The following TTC3 variants were observed in gnomAD, a reference collection of about 807,000 sequenced individuals.
The protein encoded by TTC3 is tetratricopeptide repeat domain 3.
Under a neutral mutation model 249.6 loss-of-function variants are expected in TTC3, and 180 were observed. That is an observed-to-expected ratio of 0.72 (90% CI 0.64 to 0.82). The LOEUF is 0.82. TTC3 is among the 40% of genes least tolerant of loss of function. TTC3 has a pLI of 0.00. For synonymous variants in TTC3, 717 were observed against 805.0 expected (o/e 0.89, Z 1.85); for missense variants, 2,061 against 2,398.4 (o/e 0.86, Z 2.94).
Position 37,128,896 on chromosome 21 carries a change from T to G in TTC3, c.1298-107T>G, listed in dbSNP as rs73201958. 1.3e-3 allele frequency: 1,063 copies of G among 793,708 alleles called. 8 individuals carry two copies. The highest frequency in any genetic ancestry group is 0.013 in the African/African-American group (734 of 54,926). The allele number at this position is 793,708 out of a possible 1,614,324, so 49.2% of individuals were successfully genotyped here. A position where few individuals can be genotyped will look rare whatever the true frequency, so the allele number is the denominator to read the frequency against. On this transcript the variant is annotated intron_variant, in intron 15 of 45. Transcript: ENST00000355666. ...TGTAGTTACACCCACGTACCACATT[T>G]CTGCTTCTGTTTTCTTACTCCAATT...
At chr21:37,156,023 G>A (rs1221717643) in intron 27 of TTC3, among the ~76,000 whole-genome samples, 1 of 142,190 alleles carries the variant, frequency 7.0e-6, no homozygotes, top group Non-Finnish European at 1.5e-5. Context: ...ATGAATTAGT[G>A]AAAACATTGT....
At chr21:37,142,609 A>G (rs2078586341) in intron 20 of TTC3, among the ~76,000 whole-genome samples, 1 of 152,224 alleles carries the variant, frequency 6.6e-6, no homozygotes, top group Non-Finnish European at 1.5e-5. Context: ...ATACAAACAA[A>G]TGGAAGAACA....
At chr21:37,143,004 A>C (rs2078636442) in intron 20 of TTC3, among the ~76,000 whole-genome samples, 1 of 152,196 alleles carries the variant, frequency 6.6e-6, no homozygotes, top group Non-Finnish European at 1.5e-5. Flanking sequence ...CAAAGGATTC[A>C]CTATTCAACA....
At chr21:37,144,208 G>A (rs8134466) in intron 20 of TTC3, among the ~76,000 whole-genome samples, 80,444 of 151,268 alleles carry the variant, frequency 0.53, 22,008 homozygotes, top group African/African-American at 0.64. Context: ...AAACCTGCAC[G>A]TTGTGCACAT....
chr21:37,138,585 T>A, intron 18 of TTC3, 49 bp from the exon 19 acceptor site: 1 of 1,327,332 alleles, frequency 7.5e-7, no homozygotes, highest in Non-Finnish European at 1.1e-6. Context: ...TGGATGCAAA[T>A]TGGGCAGAAT....
At chr21:37,183,381 T>C (rs1478032340) in intron 36 of TTC3, among the ~76,000 whole-genome samples, 1 of 152,226 alleles carries the variant, frequency 6.6e-6, no homozygotes, top group Non-Finnish European at 1.5e-5. Context: ...CTAGGAATGA[T>C]TGTCAGGTGG....
chr21:37,083,205 A>T (rs2071944525), intron 1 of TTC3: 1 of 985,282 alleles, frequency 1.0e-6, no homozygotes, highest in Non-Finnish European at 1.2e-6. Flanking sequence ...TTGCAGAATA[A>T]GTTTTGTTTA....
At chr21:37,108,193 G>A (rs2075274487) in intron 10 of TTC3, 199 bp from the exon 11 acceptor site, 1 of 476,210 alleles carries the variant, frequency 2.1e-6, no homozygotes, top group Admixed American at 3.9e-5. Context: ...GTGACTCTGG[G>A]TGACTTTTTC....
At chr21:37,144,011 C>T (rs559917159) in intron 20 of TTC3, among the ~76,000 whole-genome samples, 3 of 151,608 alleles carry the variant, frequency 2.0e-5, no homozygotes, top group Non-Finnish European at 4.4e-5. Context: ...CCAAACACCG[C>T]ATGTTCTCAC....
chr21:37,138,216 A>G (rs1470597830), intron 18 of TTC3, among the ~76,000 whole-genome samples: 1 of 152,168 alleles, frequency 6.6e-6, no homozygotes, highest in Non-Finnish European at 1.5e-5. Context: ...GAAACCCACA[A>G]GTTTGTGAGA....
At chr21:37,138,347 C>A (rs1457085538) in intron 18 of TTC3, among the ~76,000 whole-genome samples, 1 of 152,122 alleles carries the variant, frequency 6.6e-6, no homozygotes, top group Non-Finnish European at 1.5e-5. Context: ...TGCTTATATG[C>A]AAAATAATAT....
At chr21:37,088,015 T>G (rs934735501) in intron 3 of TTC3, 140 bp downstream of exon 3, 4 of 962,220 alleles carry the variant, frequency 4.2e-6, no homozygotes, top group Non-Finnish European at 6.1e-6. Context: ...AATCAGAACT[T>G]TTCTTTGTTA....
chr21:37,167,515 A>AT, intron 33 of TTC3, 40 bp from the exon 34 acceptor site: 1 of 1,464,540 alleles, frequency 6.8e-7, no homozygotes, highest in Non-Finnish European at 9.3e-7. Flanking sequence ...TACTAGAGCG[A>AT]TTGAGATAAA....
At chr21:37,195,191 C>T (rs539678078) in intron 41 of TTC3, among the ~76,000 whole-genome samples, 292 of 152,200 alleles carry the variant, frequency 1.9e-3, no homozygotes, top group Non-Finnish European at 3.1e-3. Flanking sequence ...AAGATTTGGC[C>T]TCAGGCAGCT....
intron 37 of TTC3, 122 bp downstream of exon 37, chr21:37,185,896 TTTTC>T (rs1442578572): frequency 1.2e-5 from 5 of 426,494 alleles, no homozygotes; most frequent in African/African-American, 6.3e-5. Context: ...TATGTTTCTG[TTTTC>T]TTTATTTCTA....
chr21:37,137,321 G>A (rs1338555511), intron 18 of TTC3, among the ~76,000 whole-genome samples: 2 of 152,152 alleles, frequency 1.3e-5, no homozygotes, highest in Non-Finnish European at 2.9e-5. Context: ...CTTCTGGAAA[G>A]GATCACCACT....
Position 37,134,540 on chromosome 21 carries a change from T to C in TTC3, c.1444-840T>C, listed in dbSNP as rs531478383. ...GTGCAGTGGGGCCTCCTTTTGGATC[T>C]TCATTGTTAGGAATGGTGAGGAATA... On this transcript the variant is annotated intron_variant, in intron 17 of 45. Transcript: ENST00000355666. Among the ~76,000 whole-genome samples the C allele has an allele frequency of 3.9e-5, 6 of 152,250 alleles. No individual in the cohort carries two copies. The South Asian group carries it at 1.2e-3, about 32-fold the overall frequency.
exon 46 of TTC3, chr21:37,202,477 C>G (rs1373992089): frequency 6.6e-6 from 1 of 152,260 alleles, no homozygotes; most frequent in Non-Finnish European, 1.5e-5. Context: ...GAAATGGCCA[C>G]CACCATTCTC....
At chr21:37,189,640 C>T (rs9983674) in intron 39 of TTC3, among the ~76,000 whole-genome samples, 49,687 of 151,768 alleles carry the variant, frequency 0.33, 8,457 homozygotes, top group South Asian at 0.52. Context: ...CTCTGCCTCC[C>T]GAGTTCACGC....
Sources: gnomAD v4.1 joint callset for allele counts (sites outside exome capture counted in the v4.1 genomes callset) on GRCh38, gnomAD v4.1.1 for gene constraint, MANE v1.5 for transcripts, NCBI Gene and HGNC (gene_info 2026-07-23, HGNC 2026-07-21) for gene names.